MAP1B: variants seen among roughly 807,000 people sequenced by gnomAD.
MAP1B encodes the protein microtubule associated protein 1B, also known as microtubule-associated protein 1B.
In MAP1B, 12 loss-of-function variants were observed where a neutral mutation model predicts 176.1. The ratio of observed to expected loss-of-function variants is 0.07; its 90% CI spans 0.04 to 0.11. MAP1B has a LOEUF of 0.11. Among genes scored for constraint, MAP1B ranks in the 10% least tolerant of loss-of-function variants. The pLI, the probability that MAP1B is intolerant of heterozygous loss-of-function variation, is 1.00. For missense variants in MAP1B, 2,523 were observed against 2,990.5 expected (o/e 0.84, Z 3.65); for synonymous variants, 1,044 against 1,135.0 (o/e 0.92, Z 1.61).
chr5:72,203,179 T>C (rs774273347), intron 5 of MAP1B, among the ~76,000 whole-genome samples: 71 of 152,242 alleles, frequency 4.7e-4, no homozygotes, highest in Non-Finnish European at 9.1e-4. Flanking sequence ...TTTTGACTTT[T>C]AAAATCTACT....
At position 72,114,190 on chromosome 5, in the gene MAP1B, T is replaced by C. The variant is rs558252564; in HGVS notation, c.185-1508T>C. On this transcript the variant is annotated intron_variant, in intron 1 of 6. Coordinates refer to ENST00000296755, the MANE Select transcript of MAP1B (RefSeq NM_005909.5). ...GTGTGTAATCTAAAGATATTTTAGA[T>C]GTGCAGTGAACTGAGTTTCCAGAAT... Among the ~76,000 whole-genome samples the C allele has an allele frequency of 5.3e-5, 8 of 152,374 alleles. No individual in the cohort carries two copies. The East Asian group carries it at 1.5e-3, about 29-fold the overall frequency.
intron 2 of MAP1B, among the ~76,000 whole-genome samples, chr5:72,124,564 C>G (rs1745588904): frequency 6.6e-6 from 1 of 152,206 alleles, no homozygotes; most frequent in Non-Finnish European, 1.5e-5. Context: ...TTGAAACACT[C>G]AAGCTGAGGT....
chr5:72,166,699 T>C (rs565508407), intron 2 of MAP1B, among the ~76,000 whole-genome samples: 2 of 152,348 alleles, frequency 1.3e-5, no homozygotes, highest in South Asian at 4.1e-4. Context: ...TCTTTATGAC[T>C]ATTCGCCGAG....
chr5:72,180,216 C>G (rs1202193463), intron 2 of MAP1B, among the ~76,000 whole-genome samples: 1 of 152,190 alleles, frequency 6.6e-6, no homozygotes, highest in Non-Finnish European at 1.5e-5. Context: ...GTACCTTGCT[C>G]AAGTCTACTT....
At chr5:72,177,016 G>A (rs944040416) in intron 2 of MAP1B, among the ~76,000 whole-genome samples, 1 of 152,172 alleles carries the variant, frequency 6.6e-6, no homozygotes, top group African/African-American at 2.4e-5. Flanking sequence ...GTGGCCTTCT[G>A]TTTTCTGTGC....
At chr5:72,205,030 A>T in intron 6 of MAP1B, 54 bp from the exon 7 acceptor site, 1 of 1,485,024 alleles carries the variant, frequency 6.7e-7, no homozygotes, top group Admixed American at 2.1e-5. Flanking sequence ...AATTTTTTTC[A>T]TATGGTTTCT....
At chr5:72,177,755 G>A (rs1246260390) in intron 2 of MAP1B, among the ~76,000 whole-genome samples, 2 of 152,142 alleles carry the variant, frequency 1.3e-5, no homozygotes, top group Non-Finnish European at 2.9e-5. Flanking sequence ...CTTAGTTCCT[G>A]TACCAAGCAC....
chr5:72,177,673 G>A (rs966562132), intron 2 of MAP1B, among the ~76,000 whole-genome samples: 2 of 152,188 alleles, frequency 1.3e-5, no homozygotes, highest in African/African-American at 4.8e-5. Flanking sequence ...AGGAGGCCTG[G>A]AGCTGGAAAT....
rs115718854 is a variant in MAP1B, at chr5:72,136,269, A to C, written c.286+20470A>C. ...CCCAGCACTCCTTGAACTATCTGAC[A>C]TACAGGACAGCTCTCTTACCACAAG... On this transcript the variant is annotated intron_variant, in intron 2 of 6. Transcript: ENST00000296755. Among the ~76,000 whole-genome samples the C allele has an allele frequency of 5.3e-4, 80 of 152,334 alleles. 1 individual carries two copies. The South Asian group carries it at 0.012, about 24-fold the overall frequency.
chr5:72,127,682 CAGAA>C (rs1294573543), intron 2 of MAP1B, among the ~76,000 whole-genome samples: 1 of 151,914 alleles, frequency 6.6e-6, no homozygotes, highest in Non-Finnish European at 1.5e-5. Context: ...TCTAAAATAA[CAGAA>C]AGAAATAATT....
chr5:72,154,748 T>C (rs912566808), intron 2 of MAP1B, among the ~76,000 whole-genome samples: 4 of 152,228 alleles, frequency 2.6e-5, no homozygotes, highest in African/African-American at 9.6e-5. Context: ...CCAGATCTGC[T>C]AGTTCTGGAG....
intron 2 of MAP1B, among the ~76,000 whole-genome samples, chr5:72,166,347 A>G (rs1318997136): frequency 6.6e-6 from 1 of 152,128 alleles, no homozygotes; most frequent in African/African-American, 2.4e-5. Flanking sequence ...GGGGAGAGAA[A>G]GAAGTGGCCA....
intron 4 of MAP1B, among the ~76,000 whole-genome samples, chr5:72,193,578 C>T (rs1164356826): frequency 6.6e-6 from 1 of 152,116 alleles, no homozygotes. Context: ...CATTCCCCTG[C>T]TGGGCAGGAA....
At chr5:72,162,502 A>G (rs1294082849) in intron 2 of MAP1B, among the ~76,000 whole-genome samples, 1 of 152,138 alleles carries the variant, frequency 6.6e-6, no homozygotes, top group Non-Finnish European at 1.5e-5. Context: ...GTTAACAAAA[A>G]CACAAAAGGA....
intron 2 of MAP1B, among the ~76,000 whole-genome samples, chr5:72,130,713 C>A (rs991563826): frequency 2.6e-5 from 4 of 152,166 alleles, no homozygotes; most frequent in African/African-American, 9.7e-5. Flanking sequence ...GGCAGAAAAT[C>A]TGAGCTTTAA....
intron 1 of MAP1B, among the ~76,000 whole-genome samples, chr5:72,110,064 A>G (rs1211398711): frequency 6.6e-6 from 1 of 152,204 alleles, no homozygotes; most frequent in Non-Finnish European, 1.5e-5. Context: ...TGTCTTCTTG[A>G]CATTAATTTT....
At chr5:72,189,497 C>A (rs550419163) in intron 4 of MAP1B, among the ~76,000 whole-genome samples, 1 of 152,248 alleles carries the variant, frequency 6.6e-6, no homozygotes, top group Admixed American at 6.5e-5. Context: ...TTCTTCATAA[C>A]CCTGCTCACT....
chr5:72,127,452 G>A (rs749559002), intron 2 of MAP1B, among the ~76,000 whole-genome samples: 2 of 152,022 alleles, frequency 1.3e-5, no homozygotes, highest in Non-Finnish European at 2.9e-5. Context: ...ACTTCAATTT[G>A]TTCCATCCCT....
intron 2 of MAP1B, among the ~76,000 whole-genome samples, chr5:72,131,675 A>G (rs577439055): frequency 6.6e-6 from 1 of 152,340 alleles, no homozygotes; most frequent in East Asian, 1.9e-4. Context: ...AACATTTCTG[A>G]GATCAGAATG....
Sources: allele counts gnomAD v4.1 joint callset (sites outside exome capture counted in the v4.1 genomes callset), GRCh38; gene constraint gnomAD v4.1.1; transcripts MANE v1.5; gene names NCBI Gene and HGNC (gene_info 2026-07-23, HGNC 2026-07-21).